The following RBPMS variants were observed in gnomAD, a reference collection of about 807,000 sequenced individuals.
RBPMS encodes RNA-binding protein with multiple splicing.
A neutral mutation model predicts 26.8 loss-of-function variants in RBPMS; 7 were observed. The observed-to-expected ratio is 0.26, with a 90% CI of 0.15 to 0.49. The LOEUF (loss-of-function observed/expected upper bound fraction) is 0.49. Ranked by LOEUF, RBPMS falls within the 20% of genes least tolerant of loss-of-function variation. The pLI is 0.98. For missense variants in RBPMS, 186 were observed against 250.0 expected (o/e 0.74, Z 1.73); for synonymous variants, 96 against 93.3 (o/e 1.03, Z -0.17).
At chr8:30,433,338 T>C (rs1209263562) in intron 1 of RBPMS, among the ~76,000 whole-genome samples, 1 of 152,172 alleles carries the variant, frequency 6.6e-6, no homozygotes, top group African/African-American at 2.4e-5. Flanking sequence ...ACATTCCCTA[T>C]GTTTAGATTT....
chr8:30,435,449 G>T (rs1812351506), intron 1 of RBPMS, among the ~76,000 whole-genome samples: 1 of 152,180 alleles, frequency 6.6e-6, no homozygotes. Flanking sequence ...GGGATATGTT[G>T]CCTGTTGATT....
intron 4 of RBPMS, among the ~76,000 whole-genome samples, chr8:30,496,886 G>A (rs763080922): frequency 2.0e-5 from 3 of 152,158 alleles, no homozygotes; most frequent in South Asian, 2.1e-4. Context: ...CCAACTGAGC[G>A]TAACAATTGT....
At chr8:30,411,908 C>T (rs976305566) in intron 1 of RBPMS, among the ~76,000 whole-genome samples, 1 of 150,936 alleles carries the variant, frequency 6.6e-6, no homozygotes, top group Admixed American at 6.6e-5. Flanking sequence ...ATTGCTTGAA[C>T]GCAGGAGGCG....
chr8:30,481,269 A>C (rs987418117), intron 4 of RBPMS, among the ~76,000 whole-genome samples: 6 of 152,106 alleles, frequency 3.9e-5, no homozygotes, highest in African/African-American at 1.4e-4. Flanking sequence ...CCCAGCCTGA[A>C]GTTTTTTGCT....
At chr8:30,479,895 A>G (rs1818099326) in intron 4 of RBPMS, among the ~76,000 whole-genome samples, 1 of 152,062 alleles carries the variant, frequency 6.6e-6, no homozygotes, top group South Asian at 2.1e-4. Flanking sequence ...GTGTGTTGTA[A>G]TAGAATAAAT....
intron 4 of RBPMS, among the ~76,000 whole-genome samples, chr8:30,496,959 C>T (rs919043616): frequency 2.0e-5 from 3 of 152,086 alleles, no homozygotes; most frequent in Admixed American, 6.6e-5. Flanking sequence ...CTGATATAAC[C>T]GATTATGATG....
At chr8:30,558,799 AG>A in intron 6 of RBPMS, 87 bp from the exon 7 acceptor site, 1 of 1,077,804 alleles carries the variant, frequency 9.3e-7, no homozygotes, top group South Asian at 1.3e-5. Flanking sequence ...TTGGAACAGT[AG>A]GGAAGTGGTA....
chr8:30,534,366 A>C (rs1384958612), intron 5 of RBPMS, among the ~76,000 whole-genome samples: 1 of 152,228 alleles, frequency 6.6e-6, no homozygotes, highest in Non-Finnish European at 1.5e-5. Flanking sequence ...GGAGATTGAG[A>C]CTTTATGCTT....
intron 5 of RBPMS, among the ~76,000 whole-genome samples, chr8:30,514,278 A>C (rs1305813726): frequency 1.3e-5 from 2 of 152,190 alleles, no homozygotes; most frequent in Non-Finnish European, 2.9e-5. Context: ...GGGAGTGTAC[A>C]TAAAGCTGTT....
At chr8:30,407,646 G>A (rs1808809723) in intron 1 of RBPMS, among the ~76,000 whole-genome samples, 1 of 7,324 alleles carries the variant, frequency 1.4e-4, no homozygotes, top group Non-Finnish European at 3.3e-4. Flanking sequence ...GAGATTGATA[G>A]TTGATGGTCA....
intron 3 of RBPMS, 143 bp from the exon 4 acceptor site, chr8:30,479,172 T>G: frequency 1.5e-6 from 1 of 649,504 alleles, no homozygotes. Context: ...GAGTCATGAT[T>G]CTTCGGGACT....
intron 6 of RBPMS, among the ~76,000 whole-genome samples, chr8:30,551,674 C>A (rs372181039): frequency 6.6e-6 from 1 of 152,184 alleles, no homozygotes; most frequent in African/African-American, 2.4e-5. Context: ...CGTCTGCGCT[C>A]GGCTCTTCCC....
intron 1 of RBPMS, among the ~76,000 whole-genome samples, chr8:30,417,121 C>CT (rs912964823): frequency 2.0e-5 from 3 of 151,858 alleles, no homozygotes; most frequent in Non-Finnish European, 2.9e-5. Flanking sequence ...ACAGATGGAC[C>CT]TTTTTTTTAT....
chr8:30,450,690 A>G (rs10103693), intron 1 of RBPMS, among the ~76,000 whole-genome samples: 37,497 of 150,026 alleles, frequency 0.25, 4,986 homozygotes, highest in East Asian at 0.43. Flanking sequence ...CTGTGAAAAC[A>G]TAATTGGAGT....
chr8:30,457,627 C>T lies in RBPMS; in HGVS notation c.67-17152C>T, dbSNP rs1335368035. ...TTTTTTTTTGAGATGGAGTCTTGCT[C>T]TGTTGCCTAGTCTGGAGTGCAGTGG... On this transcript the variant is annotated intron_variant, in intron 1 of 8. Coordinates refer to ENST00000397323, the MANE Select transcript of RBPMS (RefSeq NM_001008710.3). 2.3e-5 allele frequency among the ~76,000 whole-genome samples: 3 copies of T among 132,166 alleles called. No individual in the cohort carries two copies. In the East Asian group the frequency reaches 7.1e-4, roughly 31 times the overall value. The allele number at this position is 132,166 out of a possible 152,430, so 86.7% of individuals were successfully genotyped here. A position where few individuals can be genotyped will look rare whatever the true frequency, so the allele number is the denominator to read the frequency against.
chr8:30,528,175 CAAA>C (rs371646274), intron 5 of RBPMS, among the ~76,000 whole-genome samples: 4 of 123,878 alleles, frequency 3.2e-5, no homozygotes, highest in Non-Finnish European at 3.5e-5. Flanking sequence ...AACTTTATTC[CAAA>C]AAAAAAAAAA....
intron 5 of RBPMS, among the ~76,000 whole-genome samples, chr8:30,516,290 C>G (rs1422720657): frequency 1.3e-5 from 2 of 152,154 alleles, no homozygotes; most frequent in African/African-American, 4.8e-5. Context: ...GAAGCTGAGG[C>G]AGGAGAATTG....
chr8:30,467,393 AT>A (rs1428596798), intron 1 of RBPMS, among the ~76,000 whole-genome samples: 2 of 152,206 alleles, frequency 1.3e-5, no homozygotes, highest in African/African-American at 2.4e-5. Context: ...CCGCTTGTGC[AT>A]TAAAACACCC....
intron 1 of RBPMS, among the ~76,000 whole-genome samples, chr8:30,426,483 G>A (rs892984775): frequency 2.0e-5 from 3 of 152,064 alleles, no homozygotes; most frequent in Middle Eastern, 3.2e-3. Flanking sequence ...ATACCTTATC[G>A]GCAGATCATG....
Sources: allele counts gnomAD v4.1 joint callset (sites outside exome capture counted in the v4.1 genomes callset), GRCh38; gene constraint gnomAD v4.1.1; transcripts MANE v1.5; gene names NCBI Gene and HGNC (gene_info 2026-07-23, HGNC 2026-07-21).